OPCML: variants seen among roughly 807,000 people sequenced by gnomAD.
OPCML encodes opioid binding protein/cell adhesion molecule like, also known as opioid-binding protein/cell adhesion molecule.
A neutral mutation model predicts 37.8 loss-of-function variants in OPCML; 13 were observed. The observed-to-expected ratio is 0.34, with a 90% confidence interval of 0.22 to 0.55. OPCML has a LOEUF of 0.55. Among genes scored for constraint, OPCML ranks in the 20% least tolerant of loss-of-function variants. The pLI, the probability that OPCML is intolerant of heterozygous loss-of-function variation, is 0.91. For missense variants in OPCML, 341 were observed against 435.6 expected, an observed-to-expected ratio of 0.78 and a Z score of 1.93; for synonymous variants, 176 against 168.8, an observed-to-expected ratio of 1.04 and a Z score of -0.33.
At chr11:133,477,450 G>A (rs931150929) in intron 1 of OPCML, among the ~76,000 whole-genome samples, 3 of 152,188 alleles carry the variant, frequency 2.0e-5, no homozygotes, top group African/African-American at 7.2e-5. Context: ...ACTAGAGGTG[G>A]CAGTGGGTGG....
chr11:133,054,739 C>G (rs1408916911), intron 1 of OPCML, among the ~76,000 whole-genome samples: 1 of 152,220 alleles, frequency 6.6e-6, no homozygotes, highest in Admixed American at 6.5e-5. Flanking sequence ...GTGTGGAGAC[C>G]TGAAGTTGAG....
intron 2 of OPCML, among the ~76,000 whole-genome samples, chr11:132,877,244 G>A (rs542556567): frequency 2.0e-4 from 31 of 152,108 alleles, no homozygotes; most frequent in East Asian, 9.7e-4. Flanking sequence ...TGAAATTCCC[G>A]GTCAGCATTT....
At chr11:133,498,234 C>T (rs1379837252) in intron 1 of OPCML, among the ~76,000 whole-genome samples, 2 of 152,188 alleles carry the variant, frequency 1.3e-5, no homozygotes, top group Non-Finnish European at 2.9e-5. Flanking sequence ...CCAGGAGCAC[C>T]TCTCCTGGCT....
chr11:132,773,699 T>G (rs1946719807), intron 2 of OPCML, among the ~76,000 whole-genome samples: 1 of 152,196 alleles, frequency 6.6e-6, no homozygotes. Context: ...AGGATGCATT[T>G]CCATCCCTTC....
chr11:132,691,053 T>C (rs1943382434), intron 2 of OPCML, among the ~76,000 whole-genome samples: 1 of 152,160 alleles, frequency 6.6e-6, no homozygotes, highest in Non-Finnish European at 1.5e-5. Flanking sequence ...TGGAAGATGC[T>C]GTTCTACACA....
chr11:133,355,910 G>T (rs12421075), intron 1 of OPCML, among the ~76,000 whole-genome samples: 1 of 151,998 alleles, frequency 6.6e-6, no homozygotes, highest in Non-Finnish European at 1.5e-5. Flanking sequence ...CCTAACAGCC[G>T]TGCTAATCAG....
At chr11:132,648,390 C>G (rs536971415) in intron 3 of OPCML, among the ~76,000 whole-genome samples, 1 of 152,310 alleles carries the variant, frequency 6.6e-6, no homozygotes, top group East Asian at 1.9e-4. Context: ...CAGAACATAA[C>G]AGGCATTTCA....
Position 133,389,235 on chromosome 11 carries a change from G to A in OPCML, c.61+143029C>T, listed in dbSNP as rs879102521. Among the ~76,000 whole-genome samples the A allele has an allele frequency of 3.9e-5, 6 of 152,120 alleles. No homozygotes were observed. In the South Asian group the frequency reaches 6.2e-4, roughly 16 times the overall value. Reference sequence around the variant, plus strand: ...ATCTTGTAACCCATCTAAATCTTTCGTTCTTAAAATGCAAATATGTATGCA... The same window carrying A: ...ATCTTGTAACCCATCTAAATCTTTCATTCTTAAAATGCAAATATGTATGCA... On this transcript the variant is annotated intron_variant, in intron 1 of 7. Coordinates refer to ENST00000524381, the MANE Select transcript of OPCML (RefSeq NM_001012393.5).
intron 1 of OPCML, among the ~76,000 whole-genome samples, chr11:133,176,911 T>C (rs1008482605): frequency 6.6e-6 from 1 of 152,214 alleles, no homozygotes; most frequent in African/African-American, 2.4e-5. Context: ...CTTGGCCAAC[T>C]TTCAGCAGAG....
chr11:132,464,672 G>A (rs965694579), intron 4 of OPCML, among the ~76,000 whole-genome samples: 2 of 151,838 alleles, frequency 1.3e-5, no homozygotes, highest in Admixed American at 6.6e-5. Flanking sequence ...ATGCTTTCTC[G>A]GGGTTTTTCA....
At chr11:133,291,644 T>G (rs76648449) in intron 1 of OPCML, among the ~76,000 whole-genome samples, 8,351 of 152,320 alleles carry the variant, frequency 0.055, 268 homozygotes, top group Non-Finnish European at 0.072. Flanking sequence ...CTTATTTTTT[T>G]GGCAAACGGT....
intron 1 of OPCML, chr11:133,300,940 C>T (rs1290639214): frequency 6.6e-6 from 1 of 152,168 alleles, no homozygotes; most frequent in Non-Finnish European, 1.5e-5. Context: ...GGAGTACAGC[C>T]AGTCAACATG....
In OPCML at chr11:132,603,327, T is replaced by C. The variant is rs529609972; in HGVS notation, c.379+53760A>G. Among the ~76,000 whole-genome samples the C allele has an allele frequency of 2.0e-5, 3 of 152,340 alleles. No individual in the cohort carries two copies. The East Asian group carries it at 5.8e-4, about 29-fold the overall frequency. ...TACCTACTCCTGTGCTTGTATCTTG[T>C]GCTATAATCCCCTTGGTCACCAAAG... On this transcript the variant is annotated intron_variant, in intron 3 of 7. Transcript: ENST00000524381.
chr11:132,644,558 TC>T (rs1199519613), intron 3 of OPCML, among the ~76,000 whole-genome samples: 1 of 152,142 alleles, frequency 6.6e-6, no homozygotes, highest in African/African-American at 2.4e-5. Context: ...AACGATATCA[TC>T]TTCTAAAGCT....
chr11:133,033,581 T>A (rs1947712020), intron 1 of OPCML, among the ~76,000 whole-genome samples: 1 of 152,256 alleles, frequency 6.6e-6, no homozygotes, highest in Non-Finnish European at 1.5e-5. Flanking sequence ...TTATGGTTTG[T>A]GTAACTTTAC....
chr11:132,991,422 G>A (rs527629666), intron 1 of OPCML, among the ~76,000 whole-genome samples: 45 of 152,160 alleles, frequency 3.0e-4, no homozygotes, highest in East Asian at 1.5e-3. Context: ...TTAGATTAGC[G>A]GTGTCCTTGT....
chr11:132,517,898 TAGAC>T (rs2096283619), intron 4 of OPCML, among the ~76,000 whole-genome samples: 2 of 152,220 alleles, frequency 1.3e-5, no homozygotes, highest in South Asian at 4.2e-4. Context: ...GGTGGGGAAA[TAGAC>T]AGAGGTTTAG....
intron 1 of OPCML, chr11:133,299,080 A>G (rs192823693): frequency 5.1e-4 from 78 of 152,304 alleles, no homozygotes; most frequent in African/African-American, 1.7e-3. Context: ...GCCTTATTCA[A>G]TTATGACCCA....
At chr11:133,488,853 T>C (rs1392630322) in intron 1 of OPCML, among the ~76,000 whole-genome samples, 1 of 151,806 alleles carries the variant, frequency 6.6e-6, no homozygotes, top group South Asian at 2.1e-4. Flanking sequence ...CAAAGCTGCA[T>C]TGTACTGACA....
Sources: gnomAD v4.1 joint callset for allele counts (sites outside exome capture counted in the v4.1 genomes callset) on GRCh38, gnomAD v4.1.1 for gene constraint, MANE v1.5 for transcripts, NCBI Gene and HGNC (gene_info 2026-07-23, HGNC 2026-07-21) for gene names.